Variants in EXT2 observed in about 807,000 individuals in gnomAD.
EXT2 encodes the protein exostosin glycosyltransferase 2.
In EXT2, 53 loss-of-function variants were observed where a neutral mutation model predicts 81.6. That is an observed-to-expected ratio of 0.65 (90% CI 0.52 to 0.82). The LOEUF is 0.82. Ranked by LOEUF, EXT2 falls within the 40% of genes least tolerant of loss-of-function variation. The pLI, the probability that EXT2 is intolerant of heterozygous loss-of-function variation, is 0.00. For synonymous variants in EXT2, 320 were observed against 340.0 expected, an observed-to-expected ratio of 0.94 and a Z score of 0.65; for missense variants, 774 against 910.2, an observed-to-expected ratio of 0.85 and a Z score of 1.93.
intron 4 of EXT2, among the ~76,000 whole-genome samples, chr11:44,124,496 C>T (rs977680325): frequency 4.7e-5 from 7 of 148,794 alleles, no homozygotes; most frequent in South Asian, 2.1e-4. Context: ...TTATAGCATG[C>T]GCTCTCAGCT....
At chr11:44,166,097 CAGTATCTATTTCCA>C (rs1437717205) in intron 7 of EXT2, among the ~76,000 whole-genome samples, 1 of 152,132 alleles carries the variant, frequency 6.6e-6, no homozygotes, top group Admixed American at 6.5e-5. Flanking sequence ...TTTAAAATAC[CAGTATCTATTTCCA>C]AGGAACTCAC....
rs144290467 is a variant in EXT2 at position 44,125,879 on chromosome 11, A to G, written c.939+895A>G. Among the ~76,000 whole-genome samples the G allele has an allele frequency of 6.1e-3, 926 of 152,314 alleles. 8 individuals are homozygous for G. The highest frequency in any genetic ancestry group is 0.02 in the African/African-American group (845 of 41,556). On this transcript the variant is annotated intron_variant, in intron 5 of 13. Coordinates refer to ENST00000533608, the MANE Select transcript of EXT2 (RefSeq NM_207122.2). ...CATCTGGATGCTGACTCTTGAGGTC[A>G]GGGGAGCTTTCCACCTGCACCTCCG...
At chr11:44,189,661 G>A (rs572631683) in intron 8 of EXT2, among the ~76,000 whole-genome samples, 13 of 152,310 alleles carry the variant, frequency 8.5e-5, no homozygotes, top group Admixed American at 2.0e-4. Context: ...CCACCCCCAT[G>A]ATTCATTTAT....
chr11:44,113,191 A>G (rs1275711976), intron 3 of EXT2, among the ~76,000 whole-genome samples: 1 of 152,166 alleles, frequency 6.6e-6, no homozygotes, highest in East Asian at 1.9e-4. Flanking sequence ...TGGGATTTCC[A>G]GGGGTGGTTT....
At chr11:44,117,313 T>G (rs956336716) in intron 4 of EXT2, among the ~76,000 whole-genome samples, 2 of 152,216 alleles carry the variant, frequency 1.3e-5, no homozygotes, top group African/African-American at 4.8e-5. Flanking sequence ...GTTCCTCATT[T>G]TGATGAAGTC....
intron 3 of EXT2, among the ~76,000 whole-genome samples, chr11:44,111,377 A>T (rs1182838826): frequency 6.6e-6 from 1 of 152,192 alleles, no homozygotes; most frequent in Non-Finnish European, 1.5e-5. Flanking sequence ...TCCCTTCCTG[A>T]AAGATACTTA....
intron 8 of EXT2, among the ~76,000 whole-genome samples, chr11:44,181,837 A>C (rs1049452290): frequency 3.9e-5 from 6 of 152,048 alleles, no homozygotes; most frequent in African/African-American, 1.4e-4. Context: ...CAAATACCTG[A>C]TGATTATTGG....
At chr11:44,121,908 A>T (rs1245603708) in intron 4 of EXT2, among the ~76,000 whole-genome samples, 3 of 150,912 alleles carry the variant, frequency 2.0e-5, no homozygotes, top group Non-Finnish European at 4.4e-5. Flanking sequence ...CTACCTTACT[A>T]CTCTTCTCTT....
At chr11:44,096,522 G>C (rs1450300581) in intron 1 of EXT2, among the ~76,000 whole-genome samples, 3 of 151,654 alleles carry the variant, frequency 2.0e-5, no homozygotes, top group African/African-American at 7.3e-5. Context: ...CTGTCAGGAC[G>C]GGGCAGGAGT....
At chr11:44,128,511 T>C (rs116050967) in intron 6 of EXT2, among the ~76,000 whole-genome samples, 3 of 152,264 alleles carry the variant, frequency 2.0e-5, no homozygotes, top group African/African-American at 7.2e-5. Flanking sequence ...ACTCATAGTG[T>C]AGTGGTGGAA....
chr11:44,220,320 G>T lies in EXT2; in HGVS notation c.1663-12033G>T, dbSNP rs892391174. On this transcript the variant is annotated intron_variant, in intron 10 of 13. Transcript: ENST00000533608. This position sits in a 1 kb window ranked among gnomAD's most constrained non-coding sequence, Gnocchi z 4.4. ...AAGTTGATGGGTGTGAGCTGTCTTT[G>T]AGCCTTGTGTATATATCTGAGTAAG... Among the ~76,000 whole-genome samples the T allele has an allele frequency of 5.9e-5, 9 of 152,178 alleles. No individual in the cohort carries two copies. Among genetic ancestry groups the T allele is most frequent in the Admixed American group, 5.9e-4 (9 of 15,282 alleles).
chr11:44,225,362 T>C (rs1018713626), intron 10 of EXT2, among the ~76,000 whole-genome samples: 5 of 152,220 alleles, frequency 3.3e-5, no homozygotes, highest in Admixed American at 1.3e-4. Flanking sequence ...CACAGCTGAC[T>C]GGAGTTCTTT....
intron 7 of EXT2, 149 bp from the exon 8 acceptor site, chr11:44,171,462 A>T: frequency 8.8e-7 from 1 of 1,135,392 alleles, no homozygotes; most frequent in South Asian, 1.3e-5. Flanking sequence ...GCTGGCTTGA[A>T]CAGCAGGGAG....
At chr11:44,101,850 C>T (rs1482687729) in intron 1 of EXT2, among the ~76,000 whole-genome samples, 1 of 150,738 alleles carries the variant, frequency 6.6e-6, no homozygotes, top group Non-Finnish European at 1.5e-5. Flanking sequence ...GCTGGACTCA[C>T]AACTGGGGAA....
At position 44,244,625 on chromosome 11, in the gene EXT2, A is replaced by G; in HGVS notation, c.*338A>G. The G allele has an allele frequency of 4.8e-6, 2 of 415,076 alleles. No individual in the cohort carries two copies. The highest frequency in any genetic ancestry group is 8.1e-5 in the East Asian group (2 of 24,800). The allele number at this position is 415,076 out of a possible 1,614,324, so 25.7% of individuals were successfully genotyped here. ...ATGTAACAATCTGGAAGGAAACTTCACGGACAGGAAGACTGCTGGAGAAGA... is the reference window on the plus strand; with the variant it reads ...ATGTAACAATCTGGAAGGAAACTTCGCGGACAGGAAGACTGCTGGAGAAGA... On this transcript the variant is annotated 3_prime_UTR_variant, in exon 14 of 14. Transcript: ENST00000533608.
intron 7 of EXT2, among the ~76,000 whole-genome samples, chr11:44,169,415 TCAAA>T (rs971629782): frequency 6.6e-6 from 1 of 151,854 alleles, no homozygotes; most frequent in African/African-American, 2.4e-5. Context: ...GGAAAGCTAC[TCAAA>T]CAATAACAAA....
At position 44,124,979 on chromosome 11, in the gene EXT2, C is replaced by T. The variant is rs1018734474; in HGVS notation, c.934C>T (p.Leu312=). The T allele has an allele frequency of 3.1e-6, 5 of 1,612,574 alleles. No individual in the cohort carries two copies. The African/African-American group carries it at 5.3e-5, about 17-fold the overall frequency. The change falls in exon 5 of 14, where the codon CTA becomes TTA. Residue 312 remains leucine (L), a synonymous_variant. Coordinates refer to ENST00000533608, the MANE Select transcript of EXT2 (RefSeq NM_207122.2). ...KHQVFDYPQV[L]QEATFCVVLR... ...CCAGGTCTTCGATTACCCACAGGTGCTACAGGTGAGTGTCATTCATTACCT... is the reference window on the plus strand; with the variant it reads ...CCAGGTCTTCGATTACCCACAGGTGTTACAGGTGAGTGTCATTCATTACCT...
intron 4 of EXT2, among the ~76,000 whole-genome samples, chr11:44,117,246 G>A (rs1175921159): frequency 6.6e-6 from 1 of 152,198 alleles, no homozygotes; most frequent in African/African-American, 2.4e-5. Flanking sequence ...TGGGATTACA[G>A]GTGTGAGCCA....
chr11:44,126,731 G>C, intron 5 of EXT2, 85 bp from the exon 6 acceptor site: 1 of 1,580,118 alleles, frequency 6.3e-7, no homozygotes. Context: ...GTCAACCCTT[G>C]TAGAAACTTT....
Sources: gnomAD v4.1 joint callset for allele counts (sites outside exome capture counted in the v4.1 genomes callset) on GRCh38, gnomAD v4.1.1 for gene constraint, Gnocchi (gnomAD v3.1) non-coding constraint, MANE v1.5 for transcripts, NCBI Gene and HGNC (gene_info 2026-07-23, HGNC 2026-07-21) for gene names.